The following NDUFV2 variants were observed in gnomAD, a reference collection of about 807,000 sequenced individuals.
The protein encoded by NDUFV2 is NADH:ubiquinone oxidoreductase core subunit V2.
Under a neutral mutation model 31.6 loss-of-function variants are expected in NDUFV2, and 18 were observed. The ratio of observed to expected loss-of-function variants is 0.57; its 90% CI spans 0.39 to 0.84. The LOEUF is 0.84. Ranked by LOEUF, NDUFV2 falls within the 40% of genes least tolerant of loss-of-function variation. The pLI is 0.00. For missense variants in NDUFV2, 314 were observed against 303.6 expected (o/e 1.03, Z -0.26); for synonymous variants, 83 against 99.8 (o/e 0.83, Z 1.01).
At chr18:9,118,825 T>G (rs985913378) in intron 2 of NDUFV2, among the ~76,000 whole-genome samples, 3 of 148,476 alleles carry the variant, frequency 2.0e-5, no homozygotes, top group Non-Finnish European at 3.0e-5. Context: ...GTTTTTTTTT[T>G]TTTTTTTTTT....
At chr18:9,133,862 C>G (rs901878759) in intron 7 of NDUFV2, among the ~76,000 whole-genome samples, 1 of 152,184 alleles carries the variant, frequency 6.6e-6, no homozygotes, top group African/African-American at 2.4e-5. Context: ...GTTTCTCTAA[C>G]TGTAAAATAA....
intron 1 of NDUFV2, among the ~76,000 whole-genome samples, chr18:9,111,676 G>A (rs113908226): frequency 0.018 from 2,745 of 151,896 alleles, 148 homozygotes; most frequent in African/African-American, 0.063. Flanking sequence ...TGATCCGTCC[G>A]CCTCAGCCTC....
At chr18:9,129,411 GTGCC>G (rs1218536487) in intron 7 of NDUFV2, among the ~76,000 whole-genome samples, 1 of 152,098 alleles carries the variant, frequency 6.6e-6, no homozygotes, top group Non-Finnish European at 1.5e-5. Flanking sequence ...ATTTTTTTGA[GTGCC>G]TGCTGTGTGT....
In NDUFV2 at chr18:9,117,841, A is replaced by G. The variant is rs1437490421; in HGVS notation, c.58A>G (p.Arg20Gly). 1.9e-6 allele frequency: 3 copies of G among 1,585,692 alleles called. No individual in the cohort carries two copies. Among genetic ancestry groups the G allele is most frequent in the African/African-American group, 1.3e-5 (1 of 74,310 alleles). ...TTCTTAAAATTTTAAATTTTAGGGA[A>G]GACATGTAAGGAATTTGCATAAGAC... ...RAAGLTAHWG[R>G]HVRNLHKTVM... Residue 20 changes from arginine to glycine, a missense_variant, in exon 2 of 8, where the codon AGA (arginine) becomes GGA (glycine). Arg to Gly is a moderately radical substitution (Grantham distance 125). Transcript: ENST00000318388.
At position 9,134,235 on chromosome 18, in the gene NDUFV2, G is replaced by A; in HGVS notation, c.706G>A (p.Glu236Lys). 2 of 1,613,208 alleles carry A rather than the reference G, an allele frequency of 1.2e-6. No individual in the cohort carries two copies. The highest frequency in any genetic ancestry group is 1.7e-6 in the Non-Finnish European group (2 of 1,179,910). The change falls in exon 8 of 8, where the codon GAA becomes AAA. Residue 236 changes from glutamate (E) to lysine (K), a missense_variant. By Grantham distance (56) the Glu-to-Lys change is moderately conservative. Transcript: ENST00000318388. The stretch of plus-strand genomic sequence containing the variant: ...AGCTGGAGGTCTTACCTCTTTGACT[G>A]AACCACCCAAGGGACCTGGATTTGG... ...EPAGGLTSLT[E>K]PPKGPGFGVQ...
At chr18:9,130,540 A>G (rs537306094) in intron 7 of NDUFV2, among the ~76,000 whole-genome samples, 2 of 152,352 alleles carry the variant, frequency 1.3e-5, no homozygotes, top group Admixed American at 1.3e-4. Flanking sequence ...TGGACATAGC[A>G]ATACTAGAAT....
intron 1 of NDUFV2, among the ~76,000 whole-genome samples, chr18:9,114,818 A>T (rs922225901): frequency 3.9e-5 from 6 of 152,220 alleles, no homozygotes; most frequent in Admixed American, 3.9e-4. Flanking sequence ...CTGTGAACTC[A>T]TGTGCGTATC....
intron 7 of NDUFV2, among the ~76,000 whole-genome samples, chr18:9,129,069 C>T (rs925275809): frequency 3.3e-5 from 5 of 152,128 alleles, no homozygotes; most frequent in Non-Finnish European, 7.4e-5. Context: ...TCCCGAGCAG[C>T]TGGGACTATA....
At chr18:9,113,115 T>C (rs945034335) in intron 1 of NDUFV2, among the ~76,000 whole-genome samples, 1 of 152,176 alleles carries the variant, frequency 6.6e-6, no homozygotes, top group Admixed American at 6.5e-5. Context: ...AAAAACAGAA[T>C]AATAACAGTA....
chr18:9,102,950 C>T, intron 1 of NDUFV2, 153 bp downstream of exon 1: 1 of 687,908 alleles, frequency 1.5e-6, no homozygotes. Flanking sequence ...AGGGAGGCCG[C>T]TGCAGCCCCA....
intron 1 of NDUFV2, chr18:9,104,367 C>T: frequency 7.0e-7 from 1 of 1,433,978 alleles, no homozygotes; most frequent in South Asian, 1.3e-5. Flanking sequence ...GATGTGGTTT[C>T]TGTTTTGGAT....
rs201567834 is a variant in NDUFV2, at chr18:9,132,880, TAATA to T, written c.657-1298_657-1295del. 5.5e-3 allele frequency among the ~76,000 whole-genome samples: 838 copies of T among 152,208 alleles called. 3 individuals carry two copies. Among genetic ancestry groups the T allele is most frequent in the Non-Finnish European group, 8.1e-3 (552 of 67,988 alleles). On this transcript the variant is annotated intron_variant, in intron 7 of 7. Transcript: ENST00000318388. ...ACAAAGTGGGACCCTGTCTCAAAAATAATAAATAAATTTAAAAATTGCAAAATAT... is the reference window on the plus strand; with the variant it reads ...ACAAAGTGGGACCCTGTCTCAAAAATAATAAATTTAAAAATTGCAAAATAT...
At chr18:9,107,391 A>G (rs974970734) in intron 1 of NDUFV2, among the ~76,000 whole-genome samples, 24 of 152,324 alleles carry the variant, frequency 1.6e-4, no homozygotes, top group East Asian at 5.8e-4. Context: ...TGATTTTCCA[A>G]TGAGGAACCT....
At chr18:9,115,131 G>A (rs2077891579) in intron 1 of NDUFV2, among the ~76,000 whole-genome samples, 1 of 151,776 alleles carries the variant, frequency 6.6e-6, no homozygotes, top group Non-Finnish European at 1.5e-5. Context: ...GGATTTTTTT[G>A]GCCAGTTAAT....
chr18:9,120,632 GAT>G (rs2077928060), intron 4 of NDUFV2, among the ~76,000 whole-genome samples: 1 of 151,036 alleles, frequency 6.6e-6, no homozygotes, highest in Admixed American at 6.6e-5. Flanking sequence ...TTAGTTTATT[GAT>G]ATTTTATTTT....
intron 7 of NDUFV2, among the ~76,000 whole-genome samples, chr18:9,131,292 A>T (rs1451350963): frequency 6.6e-6 from 1 of 152,202 alleles, no homozygotes; most frequent in Non-Finnish European, 1.5e-5. Context: ...AAATCCATGT[A>T]CAAGTGAACC....
At chr18:9,113,870 A>C (rs1382999369) in intron 1 of NDUFV2, among the ~76,000 whole-genome samples, 6 of 152,146 alleles carry the variant, frequency 3.9e-5, no homozygotes, top group African/African-American at 1.4e-4. Flanking sequence ...TGGAGACAAG[A>C]GTCTTGCCGA....
chr18:9,126,707 G>A (rs1462763383), intron 6 of NDUFV2, 124 bp from the exon 7 acceptor site: 1 of 809,020 alleles, frequency 1.2e-6, no homozygotes, highest in Non-Finnish European at 2.1e-6. Context: ...GGCTGAGGTA[G>A]GAGGATTGCT....
At chr18:9,113,145 G>A (rs1450315258) in intron 1 of NDUFV2, among the ~76,000 whole-genome samples, 1 of 152,180 alleles carries the variant, frequency 6.6e-6, no homozygotes, top group Non-Finnish European at 1.5e-5. Context: ...TAGGTACATA[G>A]GTACTTGATA....
Sources: gnomAD v4.1 joint callset for allele counts (sites outside exome capture counted in the v4.1 genomes callset) on GRCh38, gnomAD v4.1.1 for gene constraint, MANE v1.5 for transcripts, NCBI Gene and HGNC (gene_info 2026-07-23, HGNC 2026-07-21) for gene names.